The following ATP11A variants were observed in gnomAD, a reference collection of about 807,000 sequenced individuals.
The protein encoded by ATP11A is phospholipid-transporting ATPase IH.
ATP11A carries 81 observed loss-of-function variants against 154.4 expected under a neutral mutation model. That is an observed-to-expected ratio of 0.52 (90% CI 0.44 to 0.63). The LOEUF (loss-of-function observed/expected upper bound fraction) is 0.63. ATP11A is among the 30% of genes least tolerant of loss of function. ATP11A has a pLI of 0.00. For missense variants in ATP11A, 1,316 were observed against 1,474.3 expected, an observed-to-expected ratio of 0.89 and a Z score of 1.76; for synonymous variants, 623 against 585.9, an observed-to-expected ratio of 1.06 and a Z score of -0.91.
intron 1 of ATP11A, among the ~76,000 whole-genome samples, chr13:112,765,151 T>TCCCCCC (rs5806961): frequency 5.7e-5 from 7 of 123,788 alleles, no homozygotes; most frequent in Non-Finnish European, 8.8e-5. Flanking sequence ...TTGCCCCCCC[T>TCCCCCC]CCCCCCCGCC....
rs1189910667 is a variant in ATP11A, at chr13:112,875,972, G to T, written c.3327+31G>T. On this transcript the variant is annotated intron_variant, in intron 28 of 29. Coordinates refer to ENST00000375645, the MANE Select transcript of ATP11A (RefSeq NM_015205.3). The surrounding 1 kb of genome is among the most constrained non-coding windows in gnomAD (Gnocchi z 4.1). ...GAGTGTCCCCAGCCGGGGCGGGGGTGCCTCAGGGCCCTGGCCTTAGGATTG... is the reference window on the plus strand; with the variant it reads ...GAGTGTCCCCAGCCGGGGCGGGGGTTCCTCAGGGCCCTGGCCTTAGGATTG... 10 of 1,592,450 alleles carry T rather than the reference G, an allele frequency of 6.3e-6. No individual in the cohort carries two copies. The Admixed American group carries it at 1.3e-4, about 21-fold the overall frequency.
At position 112,875,555 on chromosome 13, in the gene ATP11A, A is replaced by C. The variant is rs2080695232; in HGVS notation, c.3162-221A>C. Among the ~76,000 whole-genome samples the C allele has an allele frequency of 6.6e-6, 1 of 150,538 alleles. No individual in the cohort carries two copies. The highest frequency in any genetic ancestry group is 6.6e-5 in the Admixed American group (1 of 15,108). ...AGACTTCTATGTCCCATTTGAGATGACTTCATAGAATTCCTTCTCCCGTTC... is the reference window on the plus strand; with the variant it reads ...AGACTTCTATGTCCCATTTGAGATGCCTTCATAGAATTCCTTCTCCCGTTC... On this transcript the variant is annotated intron_variant, in intron 27 of 29. Coordinates refer to ENST00000375645, the MANE Select transcript of ATP11A (RefSeq NM_015205.3). This position sits in a 1 kb window ranked among gnomAD's most constrained non-coding sequence, Gnocchi z 4.1.
At chr13:112,812,642 C>G (rs1451448488) in intron 5 of ATP11A, among the ~76,000 whole-genome samples, 2 of 152,262 alleles carry the variant, frequency 1.3e-5, no homozygotes, top group Non-Finnish European at 2.9e-5. Context: ...ACTAACCCCC[C>G]ACCGCTCACC....
At chr13:112,864,451 A>G (rs376470467) in intron 25 of ATP11A, among the ~76,000 whole-genome samples, 435 of 40,210 alleles carry the variant, frequency 0.011, 17 homozygotes, top group African/African-American at 0.031. Flanking sequence ...AATTCAGTGC[A>G]GCCCATGCAG....
Position 112,859,568 on chromosome 13 carries a change from G to C in ATP11A, c.2727+116G>C. 2 of 900,042 alleles carry C rather than the reference G, an allele frequency of 2.2e-6. No homozygotes were observed. The highest frequency in any genetic ancestry group is 2.7e-5 in the South Asian group (2 of 74,242). 55.8% of individuals were successfully genotyped at this position (900,042 alleles called of 1,614,324 possible). A position where few individuals can be genotyped will look rare whatever the true frequency, so the allele number is the denominator to read the frequency against. On this transcript the variant is annotated intron_variant, in intron 23 of 29. Transcript: ENST00000375645. The surrounding 1 kb of genome is among the most constrained non-coding windows in gnomAD (Gnocchi z 4.3). ...TGAGCAGCACTCCCCGGCACCACGA[G>C]GGAGCCAGGGTGCCCAGCAGCAGGC...
Position 112,859,580 on chromosome 13 carries a change from G to A in ATP11A, c.2727+128G>A. The A allele has an allele frequency of 1.2e-6, 1 of 828,668 alleles. No individual in the cohort carries two copies. The highest frequency in any genetic ancestry group is 2.1e-6 in the Non-Finnish European group (1 of 483,176). The allele number at this position is 828,668 out of a possible 1,614,324, so 51.3% of individuals were successfully genotyped here. A position where few individuals can be genotyped will look rare whatever the true frequency, so the allele number is the denominator to read the frequency against. On this transcript the variant is annotated intron_variant, in intron 23 of 29. Transcript: ENST00000375645. This position sits in a 1 kb window ranked among gnomAD's most constrained non-coding sequence, Gnocchi z 4.3. Reference sequence around the variant, plus strand: ...CCCGGCACCACGAGGGAGCCAGGGTGCCCAGCAGCAGGCGGGGGTGAAGGG... The same window carrying A: ...CCCGGCACCACGAGGGAGCCAGGGTACCCAGCAGCAGGCGGGGGTGAAGGG...
rs1241976969 is a variant in ATP11A at position 112,840,149 on chromosome 13, AGCCTCCCCACTCTCCCATCCCCCCCAGC to A, written c.1706-2126_1706-2099del. On this transcript the variant is annotated intron_variant, in intron 16 of 29. Transcript: ENST00000375645. ...CCACTCTCCCGTGCCCTCCAGCCTCAGCCTCCCCACTCTCCCATCCCCCCCAGCCTCAGCCTCCCCACTCTCCCGTGCC... is the reference window on the plus strand; with the variant it reads ...CCACTCTCCCGTGCCCTCCAGCCTCACTCAGCCTCCCCACTCTCCCGTGCC... Among the ~76,000 whole-genome samples, 145 of 107,062 alleles carry A rather than the reference AGCCTCCCCACTCTCCCATCCCCCCCAGC, an allele frequency of 1.4e-3. 1 individual carries two copies. The highest frequency in any genetic ancestry group is 4.9e-3 in the African/African-American group (139 of 28,274). The allele number at this position is 107,062 out of a possible 152,430, so 70.2% of individuals were successfully genotyped here.
chr13:112,832,955 C>CG lies in ATP11A; in HGVS notation c.1497dup (p.Lys500GlufsTer47). On this transcript the variant is annotated frameshift_variant, in exon 14 of 30. Transcript: ENST00000375645. LOFTEE classifies it high-confidence loss of function. ...TAGACGGCCCCAGGAAATCGCCGGA[C>CG]GGGGGGAAATCCTGTGTGTACATCT... 6.2e-7 allele frequency: 1 copy of CG among 1,613,914 alleles called. No homozygotes were observed. Among genetic ancestry groups the CG allele is most frequent in the Non-Finnish European group, 8.5e-7 (1 of 1,179,920 alleles).
In ATP11A at chr13:112,806,213, T is replaced by C. The variant is rs2078318463; in HGVS notation, c.253T>C (p.Leu85=). 1 of 1,610,590 alleles carries C rather than the reference T, an allele frequency of 6.2e-7. No individual in the cohort carries two copies. The highest frequency in any genetic ancestry group is 8.5e-7 in the Non-Finnish European group (1 of 1,177,988). The part of the protein sequence containing the change: ...FYFLIIFLVQ[L]IIDTPTSPVT... ...ATTTTACAATTCTCTCTTTCTGCAG[T>C]TGATTATTGATACACCCACAAGTCC... The change falls in exon 4 of 30, where the codon TTG becomes CTG. Residue 85 remains leucine (L), a splice_region_variant and synonymous_variant. Transcript: ENST00000375645.
chr13:112,883,306 A>G lies in ATP11A; in HGVS notation c.*1440A>G. 2.5e-6 allele frequency: 1 copy of G among 398,344 alleles called. No homozygotes were observed. The highest frequency in any genetic ancestry group is 4.4e-5 in the Admixed American group (1 of 22,740). 24.7% of individuals were successfully genotyped at this position (398,344 alleles called of 1,614,324 possible). On this transcript the variant is annotated 3_prime_UTR_variant, in exon 30 of 30. Coordinates refer to ENST00000375645, the MANE Select transcript of ATP11A (RefSeq NM_015205.3). Reference sequence around the variant, plus strand: ...CGTACTGGCATTTCTATTTCTAGAAATAATATTTGACATAGCCTTAATGGT... The same window carrying G: ...CGTACTGGCATTTCTATTTCTAGAAGTAATATTTGACATAGCCTTAATGGT...
At chr13:112,716,112 C>CGGA (rs982745952) in intron 1 of ATP11A, among the ~76,000 whole-genome samples, 1 of 152,014 alleles carries the variant, frequency 6.6e-6, no homozygotes, top group African/African-American at 2.4e-5. Flanking sequence ...GTGGCTGCTC[C>CGGA]GTCTTCTGAG....
chr13:112,858,575 G>T (rs1402781141), intron 22 of ATP11A: 5 of 288,594 alleles, frequency 1.7e-5, no homozygotes, highest in Admixed American at 4.8e-5. Context: ...ATTCCGAGCA[G>T]CGTGATGAAG....
rs529378713 is a variant in ATP11A at position 112,729,412 on chromosome 13, C to T, written c.39+38957C>T. On this transcript the variant is annotated intron_variant, in intron 1 of 29. Coordinates refer to ENST00000375645, the MANE Select transcript of ATP11A (RefSeq NM_015205.3). The stretch of plus-strand genomic sequence containing the variant: ...CCAGAGTATCTAACGCGTCCGAGTG[C>T]GAACAGTGTCAGAAGGCACTGAGGC... 5.9e-4 allele frequency among the ~76,000 whole-genome samples: 89 copies of T among 150,880 alleles called. 2 individuals are homozygous for T. Among genetic ancestry groups the T allele is most frequent in the African/African-American group, 2.1e-3 (85 of 40,448 alleles).
At chr13:112,700,332 C>T (rs1886369379) in intron 1 of ATP11A, among the ~76,000 whole-genome samples, 1 of 152,190 alleles carries the variant, frequency 6.6e-6, no homozygotes, top group African/African-American at 2.4e-5. Flanking sequence ...CTGTGGGCAC[C>T]TCCGGGAGGC....
At chr13:112,832,286 G>A (rs1053643781) in intron 13 of ATP11A, among the ~76,000 whole-genome samples, 4 of 152,214 alleles carry the variant, frequency 2.6e-5, no homozygotes, top group African/African-American at 9.6e-5. Flanking sequence ...AGCCGGCTGT[G>A]GCCCTGAGCA....
At chr13:112,715,322 T>C (rs1490392845) in intron 1 of ATP11A, among the ~76,000 whole-genome samples, 1 of 137,552 alleles carries the variant, frequency 7.3e-6, no homozygotes, top group Non-Finnish European at 1.6e-5. Flanking sequence ...GGCTTTGTAG[T>C]GTCCTGGCCC....
At position 112,779,332 on chromosome 13, in the gene ATP11A, GGAGTAGCCGCTGGAGT is replaced by G. The variant is rs1193257069; in HGVS notation, c.40-5783_40-5768del. The stretch of plus-strand genomic sequence containing the variant: ...GAGTGAGGAGTAGCCGCTGGAGTGA[GGAGTAGCCGCTGGAGT>G]GAGTAGCCGCTGGAGTGAGGAGTAG... On this transcript the variant is annotated intron_variant, in intron 1 of 29. Transcript: ENST00000375645. Among the ~76,000 whole-genome samples the G allele has an allele frequency of 1.2e-3, 120 of 100,352 alleles. 4 individuals carry two copies. Among genetic ancestry groups the G allele is most frequent in the African/African-American group, 4.3e-3 (113 of 26,080 alleles). 65.8% of individuals were successfully genotyped at this position (100,352 alleles called of 152,430 possible). A position where few individuals can be genotyped will look rare whatever the true frequency, so the allele number is the denominator to read the frequency against.
chr13:112,870,098 T>C (rs2080465914), intron 25 of ATP11A, among the ~76,000 whole-genome samples: 1 of 131,768 alleles, frequency 7.6e-6, no homozygotes, highest in Non-Finnish European at 1.7e-5. Context: ...AGTGACACTG[T>C]AGGCCAGGCA....
Position 112,848,957 on chromosome 13 carries a change from G to A in ATP11A, c.1810-2080G>A, listed in dbSNP as rs569524024. Among the ~76,000 whole-genome samples the A allele has an allele frequency of 7.2e-4, 110 of 152,296 alleles. 1 individual carries two copies. Among genetic ancestry groups the A allele is most frequent in the African/African-American group, 2.5e-3 (103 of 41,558 alleles). Reference sequence around the variant, plus strand: ...CCCACCTCAGCCTCCCAAAGTGCTGGGATTACAGGCGTGAGCCATCATGCC... The same window carrying A: ...CCCACCTCAGCCTCCCAAAGTGCTGAGATTACAGGCGTGAGCCATCATGCC... On this transcript the variant is annotated intron_variant, in intron 17 of 29. Transcript: ENST00000375645.
Sources: gnomAD v4.1 joint callset for allele counts (sites outside exome capture counted in the v4.1 genomes callset) on GRCh38, gnomAD v4.1.1 for gene constraint, Gnocchi (gnomAD v3.1) non-coding constraint, MANE v1.5 for transcripts, NCBI Gene and HGNC (gene_info 2026-07-23, HGNC 2026-07-21) for gene names.